The following BBS4 variants were observed in gnomAD, a reference collection of about 807,000 sequenced individuals.
BBS4 encodes the protein BBSome complex member BBS4.
BBS4 carries 58 observed loss-of-function variants against 71.4 expected under a neutral mutation model. That is an observed-to-expected ratio of 0.81 (90% confidence interval 0.66 to 1.01). BBS4 has a LOEUF of 1.01. Among genes scored for constraint, BBS4 ranks in the 50% least tolerant of loss-of-function variants. The probability of loss-of-function intolerance (pLI) is 0.00; values close to 1 mark genes in which losing one functional copy is unlikely to be tolerated. For missense variants in BBS4, 660 were observed against 607.9 expected (o/e 1.09, Z -0.90); for synonymous variants, 228 against 216.8 (o/e 1.05, Z -0.46).
chr15:72,709,764 T>C lies in BBS4; in HGVS notation c.141T>C (p.Asp47=), dbSNP rs1298845808. 6.2e-7 allele frequency: 1 copy of C among 1,613,532 alleles called. No individual in the cohort carries two copies. Among genetic ancestry groups the C allele is most frequent in the African/African-American group, 1.3e-5 (1 of 75,008 alleles). Residue 47 remains aspartate, a synonymous_variant, in exon 3 of 16, where the codon GAT becomes GAC. Transcript: ENST00000268057. ...TTCATCTTCATTATATCCGGAAAGA[T>C]TATGAAGCCTGCAAGGTAAGAGATT... ...WLIHLHYIRK[D]YEACKAVIKE...
chr15:72,712,301 G>A lies in BBS4; in HGVS notation c.214G>A (p.Val72Ile), dbSNP rs749578199. 1.1e-5 allele frequency: 18 copies of A among 1,613,426 alleles called. No individual in the cohort carries two copies. Among genetic ancestry groups the A allele is most frequent in the Non-Finnish European group, 1.5e-5 (18 of 1,179,480 alleles). The part of the protein sequence containing the change: ...TQGLCEYAIY[V>I]QALIFRLEGN... The stretch of plus-strand genomic sequence containing the variant: ...GGGATTGTGTGAATATGCTATCTAT[G>A]TCCAAGGTAAGACACATACTTCTTG... Residue 72 changes from valine to isoleucine, a missense_variant, in exon 4 of 16, where the codon GTC (valine) becomes ATC (isoleucine). Physicochemically the swap from Val to Ile is conservative, Grantham distance 29 (BLOSUM62 3). Coordinates refer to ENST00000268057, the MANE Select transcript of BBS4 (RefSeq NM_033028.5).
chr15:72,698,505 C>CT (rs533364227), intron 2 of BBS4, among the ~76,000 whole-genome samples: 1,569 of 152,242 alleles, frequency 0.01, 13 homozygotes, highest in Non-Finnish European at 0.017. Context: ...CCTTTTCTGC[C>CT]TGGCTTATTC....
At chr15:72,712,178 A>T in intron 3 of BBS4, 66 bp from the exon 4 acceptor site, 2 of 1,489,498 alleles carry the variant, frequency 1.3e-6, no homozygotes, top group Non-Finnish European at 1.9e-6. Context: ...GTCCATGTCC[A>T]CTTTTTCTTA....
intron 14 of BBS4, 30 bp downstream of exon 14, chr15:72,735,996 T>TA (rs2065915476): frequency 6.2e-7 from 1 of 1,613,346 alleles, no homozygotes; most frequent in Admixed American, 1.7e-5. Context: ...CCAAGAGTCA[T>TA]AAGTAAGCTC....
At chr15:72,722,710 C>CA (rs2065599372) in intron 6 of BBS4, 84 bp from the exon 7 acceptor site, 2 of 1,280,506 alleles carry the variant, frequency 1.6e-6, no homozygotes, top group Non-Finnish European at 2.3e-6. Context: ...CGAGCAATAA[C>CA]AATCTCTAGA....
chr15:72,736,858 A>G lies in BBS4; in HGVS notation c.1345A>G (p.Thr449Ala). Residue 449 changes from threonine (T) to alanine (A), a missense_variant, in exon 15 of 16, where the codon ACC (threonine) becomes GCC (alanine). By Grantham distance (58) the Thr-to-Ala change is moderately conservative (BLOSUM62 0). Transcript: ENST00000268057. ...TAAAGATCCCAAATCAAAGCACCAGACCACTTCAACCAGCAAACCTGCCAG... is the reference window on the plus strand; with the variant it reads ...TAAAGATCCCAAATCAAAGCACCAGGCCACTTCAACCAGCAAACCTGCCAG... ...PVKDPKSKHQ[T>A]TSTSKPASFQ... The G allele has an allele frequency of 6.2e-7, 1 of 1,614,172 alleles. No homozygotes were observed. The highest frequency in any genetic ancestry group is 8.5e-7 in the Non-Finnish European group (1 of 1,180,016).
chr15:72,718,864 T>C (rs1254082955), intron 6 of BBS4, among the ~76,000 whole-genome samples: 1 of 152,130 alleles, frequency 6.6e-6, no homozygotes, highest in African/African-American at 2.4e-5. Context: ...TTGGATATGA[T>C]AAGTTTTAGG....
At chr15:72,723,055 T>C (rs376278120) in intron 7 of BBS4, among the ~76,000 whole-genome samples, 11 of 152,298 alleles carry the variant, frequency 7.2e-5, no homozygotes, top group African/African-American at 2.4e-4. Flanking sequence ...TGGAAAGTTC[T>C]AGAAATATGA....
intron 6 of BBS4, among the ~76,000 whole-genome samples, chr15:72,721,323 T>C (rs138120434): frequency 1.3e-5 from 2 of 152,328 alleles, no homozygotes; most frequent in East Asian, 3.9e-4. Context: ...GAAACATTTG[T>C]GGATAAAACG....
At chr15:72,726,110 T>C (rs918547255) in intron 8 of BBS4, among the ~76,000 whole-genome samples, 4 of 124,852 alleles carry the variant, frequency 3.2e-5, no homozygotes, top group Admixed American at 7.6e-5. Flanking sequence ...TTCCTTCCTT[T>C]CTTTCCTTCC....
At chr15:72,703,487 A>G (rs1438597479) in intron 2 of BBS4, among the ~76,000 whole-genome samples, 2 of 152,234 alleles carry the variant, frequency 1.3e-5, no homozygotes, top group African/African-American at 2.4e-5. Context: ...TACCCCAAAT[A>G]TCCTATTGAG....
intron 14 of BBS4, 105 bp from the exon 15 acceptor site, chr15:72,736,657 C>G (rs1472515562): frequency 9.4e-7 from 1 of 1,060,444 alleles, no homozygotes; most frequent in African/African-American, 1.6e-5. Context: ...CTAGTACGAC[C>G]AGACACTATT....
chr15:72,695,096 T>C (rs914558243), intron 1 of BBS4, 81 bp from the exon 2 acceptor site: 4 of 964,938 alleles, frequency 4.1e-6, no homozygotes, highest in Non-Finnish European at 6.6e-6. Context: ...AGCTACTGAT[T>C]ATTCTTGTTA....
chr15:72,708,495 A>T (rs577542033), intron 2 of BBS4, among the ~76,000 whole-genome samples: 2 of 152,244 alleles, frequency 1.3e-5, no homozygotes, highest in Non-Finnish European at 2.9e-5. Context: ...CACTATGATA[A>T]TTGTGTTAAC....
Position 72,736,758 on chromosome 15 carries a change from CAAGATGGTGGAGAT to C in BBS4, c.1249-3_1259del, listed in dbSNP as rs2065932064. ...GATTCTTTTACTTCCTTTGTGGACA[CAAGATGGTGGAGAT>C]GGCTCAGAAGTTGGGAGCTGCTCTC... is the stretch of plus-strand genomic sequence containing the variant. On this transcript the variant is annotated splice_acceptor_variant and splice_polypyrimidine_tract_variant and coding_sequence_variant and intron_variant, in exon 15 of 16. Transcript: ENST00000268057. LOFTEE classifies it high-confidence loss of function. 1 of 1,614,010 alleles carries C rather than the reference CAAGATGGTGGAGAT, an allele frequency of 6.2e-7. No homozygotes were observed. The highest frequency in any genetic ancestry group is 1.3e-5 in the African/African-American group (1 of 74,926).
chr15:72,730,127 A>AG (rs1419838654), intron 10 of BBS4, among the ~76,000 whole-genome samples: 1 of 151,552 alleles, frequency 6.6e-6, no homozygotes, highest in Middle Eastern at 3.4e-3. Flanking sequence ...ATACAAAAAA[A>AG]TTAGCCGGGC....
rs139420760 is a variant in BBS4, at chr15:72,736,306, A to G, written c.1248+340A>G. ...GCCCAGGCTGGAGTGCAATGGCGCA[A>G]TCTCAGTTCACTGCAACCTCCGCCT... On this transcript the variant is annotated intron_variant, in intron 14 of 15. Coordinates refer to ENST00000268057, the MANE Select transcript of BBS4 (RefSeq NM_033028.5). 8.4e-3 allele frequency among the ~76,000 whole-genome samples: 1,236 copies of G among 147,502 alleles called. 11 individuals are homozygous for G. The highest frequency in any genetic ancestry group is 0.029 in the African/African-American group (1,167 of 39,696).
chr15:72,732,244 G>A (rs2065839467), intron 12 of BBS4, among the ~76,000 whole-genome samples: 1 of 152,072 alleles, frequency 6.6e-6, no homozygotes, highest in Admixed American at 6.5e-5. Flanking sequence ...ACTATAATTG[G>A]CCCCTAGGTG....
intron 1 of BBS4, among the ~76,000 whole-genome samples, chr15:72,689,029 A>G (rs1460360288): frequency 6.9e-6 from 1 of 144,212 alleles, no homozygotes; most frequent in Non-Finnish European, 1.5e-5. Context: ...ACTCAGAAAG[A>G]AAAAAAAAAA....
Sources: gnomAD v4.1 joint callset for allele counts (sites outside exome capture counted in the v4.1 genomes callset) on GRCh38, gnomAD v4.1.1 for gene constraint, MANE v1.5 for transcripts, NCBI Gene and HGNC (gene_info 2026-07-23, HGNC 2026-07-21) for gene names.